The following CACNA1C variants were observed in gnomAD, a reference collection of about 807,000 sequenced individuals.
The protein encoded by CACNA1C is calcium voltage-gated channel subunit alpha1 C, also known as voltage-dependent L-type calcium channel subunit alpha-1C.
A neutral mutation model predicts 229.0 loss-of-function variants in CACNA1C; 30 were observed. The ratio of observed to expected loss-of-function variants is 0.13; its 90% confidence interval spans 0.10 to 0.18. The LOEUF (loss-of-function observed/expected upper bound fraction) is 0.18, where lower values mean the gene tolerates loss of function less well. CACNA1C is among the 10% of genes least tolerant of loss of function. CACNA1C has a pLI of 1.00. For missense variants in CACNA1C, 1,658 were observed against 2,845.0 expected (o/e 0.58, Z 9.49); for synonymous variants, 1,114 against 1,132.5 (o/e 0.98, Z 0.33).
At position 2,695,989 on chromosome 12, in the gene CACNA1C, A is replaced by G. The variant is rs1264048679; in HGVS notation, c.*4790A>G. 6.6e-6 allele frequency: 1 copy of G among 152,252 alleles called. No individual in the cohort carries two copies. The highest frequency in any genetic ancestry group is 1.5e-5 in the Non-Finnish European group (1 of 68,094). The allele number at this position is 152,252 out of a possible 1,614,324, so 9.4% of individuals were successfully genotyped here. ...CTGCTCCTGCAAGGGTGAGCACTGT[A>G]TACACAGACAAGGAGGGTGCAGTAG... On this transcript the variant is annotated 3_prime_UTR_variant, in exon 47 of 47. Coordinates refer to ENST00000399655, the MANE Select transcript of CACNA1C (RefSeq NM_000719.7).
intron 5 of CACNA1C, among the ~76,000 whole-genome samples, chr12:2,481,126 T>G (rs1305469834): frequency 6.6e-6 from 1 of 152,234 alleles, no homozygotes. Context: ...TCTTTTGTGA[T>G]AGTATCTCTG....
chr12:2,457,609 G>T lies in CACNA1C; in HGVS notation c.660G>T (p.Gly220=), dbSNP rs2099443606. The T allele has an allele frequency of 6.2e-7, 1 of 1,613,200 alleles. No individual in the cohort carries two copies. Among genetic ancestry groups the T allele is most frequent in the Non-Finnish European group, 8.5e-7 (1 of 1,179,562 alleles). The part of the protein sequence containing the change: ...AILEQATKAD[G]ANALGGKGAG... ...TAGAACAAGCAACCAAAGCAGATGGGGCAAACGCTCTCGGAGGGAAAGGGG... is the reference window on the plus strand; with the variant it reads ...TAGAACAAGCAACCAAAGCAGATGGTGCAAACGCTCTCGGAGGGAAAGGGG... Residue 220 remains glycine (G), a synonymous_variant, in exon 5 of 47, where the codon GGG becomes GGT. Coordinates refer to ENST00000399655, the MANE Select transcript of CACNA1C (RefSeq NM_000719.7).
chr12:2,492,374 C>A (rs1202866102), intron 6 of CACNA1C, among the ~76,000 whole-genome samples: 1 of 152,216 alleles, frequency 6.6e-6, no homozygotes, highest in African/African-American at 2.4e-5. Context: ...ACTGAGGAAG[C>A]ACACTCCCTA....
intron 29 of CACNA1C, among the ~76,000 whole-genome samples, chr12:2,627,037 A>G (rs2087103244): frequency 6.6e-6 from 1 of 152,168 alleles, no homozygotes; most frequent in African/African-American, 2.4e-5. Flanking sequence ...TCCTCCTGCA[A>G]CTAGGAGAGC....
intron 15 of CACNA1C, among the ~76,000 whole-genome samples, chr12:2,583,168 G>A (rs958321962): frequency 6.6e-6 from 1 of 152,204 alleles, no homozygotes; most frequent in Non-Finnish European, 1.5e-5. Context: ...CCGCGCTCCG[G>A]GCGGGCTGTC....
intron 30 of CACNA1C, among the ~76,000 whole-genome samples, chr12:2,635,131 G>A (rs569741743): frequency 3.4e-4 from 51 of 152,006 alleles, no homozygotes; most frequent in Non-Finnish European, 6.6e-4. Flanking sequence ...CCATGTGAGC[G>A]CCTCACTCCC....
intron 1 of CACNA1C, among the ~76,000 whole-genome samples, chr12:2,046,501 C>T (rs1259744159): frequency 2.0e-5 from 3 of 152,110 alleles, no homozygotes; most frequent in Admixed American, 2.0e-4. Flanking sequence ...CACTGGCTTG[C>T]TGAGGTAGAG....
intron 11 of CACNA1C, among the ~76,000 whole-genome samples, chr12:2,564,570 A>G (rs938838116): frequency 2.4e-4 from 36 of 151,958 alleles, no homozygotes; most frequent in African/African-American, 7.0e-4. Context: ...AGAGCTAAGC[A>G]CCCCATTTTT....
At chr12:2,273,980 C>T (rs964656427) in intron 3 of CACNA1C, among the ~76,000 whole-genome samples, 1 of 152,228 alleles carries the variant, frequency 6.6e-6, no homozygotes, top group Non-Finnish European at 1.5e-5. Flanking sequence ...TGGCAGCCTC[C>T]AGCAGGCAGG....
chr12:2,335,683 T>C (rs1035090540), intron 3 of CACNA1C, among the ~76,000 whole-genome samples: 15 of 152,178 alleles, frequency 9.9e-5, no homozygotes, highest in African/African-American at 3.6e-4. Flanking sequence ...TCCCTTTGAG[T>C]GCTTCCTCCC....
rs116081555 is a variant in CACNA1C at position 2,509,266 on chromosome 12, G to A, written c.1218-3546G>A. Among the ~76,000 whole-genome samples the A allele has an allele frequency of 2.0e-3, 299 of 152,300 alleles. 1 individual carries two copies. The highest frequency in any genetic ancestry group is 7.0e-3 in the African/African-American group (292 of 41,552). On this transcript the variant is annotated intron_variant, in intron 8 of 46. Transcript: ENST00000399655. ...AAAGCAATAAAAGGTCAGGACACAC[G>A]TGCCTTGTGGGTGGGAGCAGAAGAG...
intron 4 of CACNA1C, among the ~76,000 whole-genome samples, chr12:2,453,901 G>C (rs938248737): frequency 2.0e-5 from 3 of 152,176 alleles, no homozygotes; most frequent in Non-Finnish European, 4.4e-5. Context: ...CCAGTTCTCA[G>C]CTTCCTTTCT....
At position 2,054,265 on chromosome 12, in the gene CACNA1C, C is replaced by T. The variant is rs561212523; in HGVS notation, c.49+654C>T. Among the ~76,000 whole-genome samples the T allele has an allele frequency of 3.3e-5, 5 of 152,274 alleles. No homozygotes were observed. Among genetic ancestry groups the T allele is most frequent in the African/African-American group, 1.2e-4 (5 of 41,566 alleles). On this transcript the variant is annotated intron_variant, in intron 1 of 46. Transcript: ENST00000399655. The surrounding 1 kb of genome is among the most constrained non-coding windows in gnomAD (Gnocchi z 5.5). Reference sequence around the variant, plus strand: ...TCTCCCTCCCTCCTCCGCCGCTCACCTACACCCACCCACCTCTCCACTGCT... The same window carrying T: ...TCTCCCTCCCTCCTCCGCCGCTCACTTACACCCACCCACCTCTCCACTGCT...
At chr12:2,052,897 G>A (rs2052673133), upstream of CACNA1C, 2 of 700,668 alleles carry the variant, frequency 2.9e-6, no homozygotes, top group African/African-American at 4.1e-5. Context: ...GGCGCGCCGG[G>A]CGGGCGGGCG....
intron 29 of CACNA1C, among the ~76,000 whole-genome samples, 154 bp from the exon 30 acceptor site, chr12:2,634,143 G>A (rs545626387): frequency 4.6e-5 from 7 of 150,918 alleles, no homozygotes; most frequent in African/African-American, 9.7e-5. Flanking sequence ...ATATGCCCAC[G>A]TAACCTCTTT....
chr12:2,681,063 C>T (rs12319695), intron 42 of CACNA1C, among the ~76,000 whole-genome samples: 10,710 of 152,198 alleles, frequency 0.07, 1,077 homozygotes, highest in African/African-American at 0.22. Context: ...GACCCAAGTA[C>T]TGGGTCCCCA....
At chr12:2,520,210 G>A (rs540401082) in intron 9 of CACNA1C, among the ~76,000 whole-genome samples, 47 of 110,242 alleles carry the variant, frequency 4.3e-4, no homozygotes, top group African/African-American at 1.6e-3. Flanking sequence ...CAATGGCCGT[G>A]TGCTTCAGAG....
intron 3 of CACNA1C, among the ~76,000 whole-genome samples, chr12:2,145,884 G>A (rs1420994458): frequency 2.6e-5 from 4 of 151,190 alleles, no homozygotes; most frequent in African/African-American, 7.3e-5. Flanking sequence ...CCAGAAATGC[G>A]AACCTGGCTC....
At chr12:1,995,069 G>T (rs1452397458) in intron 1 of CACNA1C, among the ~76,000 whole-genome samples, 1 of 152,022 alleles carries the variant, frequency 6.6e-6, no homozygotes, top group Non-Finnish European at 1.5e-5. Context: ...AAACAGCAAA[G>T]GATTTTTTTC....
Sources: allele counts gnomAD v4.1 joint callset (sites outside exome capture counted in the v4.1 genomes callset), GRCh38; gene constraint gnomAD v4.1.1; non-coding constraint Gnocchi (gnomAD v3.1); transcripts MANE v1.5; gene names NCBI Gene and HGNC (gene_info 2026-07-23, HGNC 2026-07-21).